MECOM: variants seen among roughly 807,000 people sequenced by gnomAD.
MECOM encodes the protein histone-lysine N-methyltransferase MECOM.
In MECOM, 13 loss-of-function variants were observed where a neutral mutation model predicts 116.3. The observed-to-expected ratio is 0.11, with a 90% CI of 0.07 to 0.18. MECOM has a LOEUF of 0.18. Ranked by LOEUF, MECOM falls within the 10% of genes least tolerant of loss-of-function variation. MECOM has a pLI of 1.00. For missense variants in MECOM, 1,299 were observed against 1,509.0 expected (o/e 0.86, Z 2.31); for synonymous variants, 528 against 535.2 (o/e 0.99, Z 0.19).
intron 1 of MECOM, among the ~76,000 whole-genome samples, chr3:169,459,434 T>G (rs758688146): frequency 2.6e-5 from 4 of 152,234 alleles, no homozygotes; most frequent in Non-Finnish European, 5.9e-5. Flanking sequence ...GAGAAATCAC[T>G]AAAACAATAT....
At chr3:169,550,713 C>T (rs935048598) in intron 1 of MECOM, among the ~76,000 whole-genome samples, 1 of 152,166 alleles carries the variant, frequency 6.6e-6, no homozygotes, top group African/African-American at 2.4e-5. Flanking sequence ...ATTACCTAGA[C>T]CCCAAACCAA....
chr3:169,305,760 G>C (rs1334153631), intron 2 of MECOM, among the ~76,000 whole-genome samples: 1 of 152,040 alleles, frequency 6.6e-6, no homozygotes, highest in Non-Finnish European at 1.5e-5. Flanking sequence ...ACACAGAAGA[G>C]TTTGTTCCTT....
chr3:169,178,896 C>T (rs116375368), intron 2 of MECOM, among the ~76,000 whole-genome samples: 67 of 152,194 alleles, frequency 4.4e-4, no homozygotes, highest in African/African-American at 1.4e-3. Context: ...TTTGGCTGTA[C>T]GAAGTTTTCA....
In MECOM at chr3:169,434,400, T is replaced by A. The variant is rs549407077; in HGVS notation, c.38-52876A>T. 2.0e-5 allele frequency among the ~76,000 whole-genome samples: 3 copies of A among 151,126 alleles called. No homozygotes were observed. In the South Asian group the frequency reaches 6.3e-4, roughly 32 times the overall value. On this transcript the variant is annotated intron_variant, in intron 1 of 16. Transcript: ENST00000651503. ...CCTCAGTAATATGTTCCTTTGTAGA[T>A]AAGCACAGTGGAGAGGTAAAATGAT...
intron 1 of MECOM, among the ~76,000 whole-genome samples, chr3:169,407,437 T>A (rs1330714280): frequency 6.6e-6 from 1 of 151,790 alleles, no homozygotes; most frequent in African/African-American, 2.4e-5. Context: ...TTGATTATCT[T>A]ACCAGTTCAC....
intron 4 of MECOM, among the ~76,000 whole-genome samples, chr3:169,128,802 ATGG>A (rs1377620999): frequency 6.6e-6 from 1 of 152,182 alleles, no homozygotes; most frequent in African/African-American, 2.4e-5. Context: ...AGATAAATAA[ATGG>A]TAGTAGTGTG....
intron 1 of MECOM, among the ~76,000 whole-genome samples, chr3:169,627,812 C>T (rs142777281): frequency 2.6e-5 from 4 of 152,186 alleles, no homozygotes; most frequent in Non-Finnish European, 5.9e-5. Flanking sequence ...CCATAAAGCA[C>T]GTTTATAAAC....
intron 2 of MECOM, among the ~76,000 whole-genome samples, chr3:169,170,836 G>A (rs1023051469): frequency 3.3e-5 from 5 of 152,124 alleles, no homozygotes; most frequent in African/African-American, 1.2e-4. Flanking sequence ...TGATGGTTTT[G>A]AGGTTCTACC....
intron 2 of MECOM, among the ~76,000 whole-genome samples, chr3:169,192,930 C>A (rs1334985760): frequency 6.6e-6 from 1 of 152,026 alleles, no homozygotes; most frequent in East Asian, 1.9e-4. Flanking sequence ...AATATGCAAA[C>A]AGGGTTAATT....
intron 2 of MECOM, among the ~76,000 whole-genome samples, chr3:169,233,407 G>A (rs190201234): frequency 2.0e-5 from 3 of 152,204 alleles, no homozygotes; most frequent in East Asian, 3.9e-4. Context: ...GGTGAAAGAC[G>A]TTTGGCACAT....
At chr3:169,531,527 T>C (rs79640236) in intron 1 of MECOM, among the ~76,000 whole-genome samples, 7,657 of 152,210 alleles carry the variant, frequency 0.05, 398 homozygotes, top group East Asian at 0.3. Flanking sequence ...CATGGAAAAA[T>C]ATTGAACCTC....
At chr3:169,276,651 C>T (rs1469246622) in intron 2 of MECOM, among the ~76,000 whole-genome samples, 2 of 151,730 alleles carry the variant, frequency 1.3e-5, no homozygotes, top group Non-Finnish European at 2.9e-5. Context: ...TCCTCAAAGG[C>T]AACCACTGTT....
At chr3:169,097,233 G>T (rs115165408) in intron 12 of MECOM, among the ~76,000 whole-genome samples, 1 of 151,902 alleles carries the variant, frequency 6.6e-6, no homozygotes, top group East Asian at 1.9e-4. Context: ...TGCACACAAA[G>T]GGTCTTTTCC....
intron 1 of MECOM, among the ~76,000 whole-genome samples, chr3:169,466,003 C>A (rs1219517356): frequency 6.6e-6 from 1 of 152,186 alleles, no homozygotes; most frequent in African/African-American, 2.4e-5. Context: ...CATGTCCTTA[C>A]AAACTCACAT....
intron 2 of MECOM, among the ~76,000 whole-genome samples, chr3:169,290,089 T>A (rs765552904): frequency 6.6e-6 from 1 of 152,164 alleles, no homozygotes; most frequent in Non-Finnish European, 1.5e-5. Context: ...GCCCCGATAC[T>A]ACCCTAAACA....
intron 2 of MECOM, among the ~76,000 whole-genome samples, chr3:169,266,576 G>T (rs1758335538): frequency 6.6e-6 from 1 of 152,186 alleles, no homozygotes; most frequent in Non-Finnish European, 1.5e-5. Flanking sequence ...TGAACGTGGA[G>T]AGCCAACACA....
chr3:169,208,410 G>T (rs1188524727), intron 2 of MECOM, among the ~76,000 whole-genome samples: 2 of 151,032 alleles, frequency 1.3e-5, no homozygotes, highest in Non-Finnish European at 3.0e-5. Context: ...CCAGTTATCT[G>T]TCTATAAAAC....
chr3:169,605,615 G>A (rs1768434272), intron 1 of MECOM, among the ~76,000 whole-genome samples: 1 of 152,144 alleles, frequency 6.6e-6, no homozygotes, highest in Non-Finnish European at 1.5e-5. Context: ...AGGAGGTGAT[G>A]GTGAAGGAAG....
At chr3:169,341,812 A>T (rs1724588705) in intron 2 of MECOM, among the ~76,000 whole-genome samples, 1 of 152,084 alleles carries the variant, frequency 6.6e-6, no homozygotes. Context: ...ATGAACAATA[A>T]CTTAATTATA....
Sources: gnomAD v4.1 joint callset for allele counts (sites outside exome capture counted in the v4.1 genomes callset) on GRCh38, gnomAD v4.1.1 for gene constraint, MANE v1.5 for transcripts, NCBI Gene and HGNC (gene_info 2026-07-23, HGNC 2026-07-21) for gene names.